Variants in EIF4G3 observed in about 807,000 individuals in gnomAD.
EIF4G3 encodes eIF-4-gamma 3.
In EIF4G3, 34 loss-of-function variants were observed where a neutral mutation model predicts 186.4. The observed-to-expected ratio is 0.18, with a 90% CI of 0.14 to 0.24. EIF4G3 has a LOEUF of 0.24. EIF4G3 is among the 10% of genes least tolerant of loss of function. The pLI is 1.00. For synonymous variants in EIF4G3, 673 were observed against 679.5 expected (o/e 0.99, Z 0.15); for missense variants, 1,536 against 1,948.5 (o/e 0.79, Z 3.99).
At chr1:20,944,382 G>A (rs1459605046) in intron 13 of EIF4G3, among the ~76,000 whole-genome samples, 1 of 152,004 alleles carries the variant, frequency 6.6e-6, no homozygotes, top group African/African-American at 2.4e-5. Context: ...AGGTGAGGTG[G>A]CGCAGACCTG....
intron 10 of EIF4G3, among the ~76,000 whole-genome samples, chr1:20,978,122 C>T (rs898016339): frequency 6.6e-6 from 1 of 152,094 alleles, no homozygotes; most frequent in Admixed American, 6.5e-5. Context: ...TAGATAGTAA[C>T]AACCATTGTT....
intron 4 of EIF4G3, among the ~76,000 whole-genome samples, chr1:21,034,420 A>T (rs2093009263): frequency 6.6e-6 from 1 of 152,244 alleles, no homozygotes; most frequent in South Asian, 2.1e-4. Flanking sequence ...CTTCAAAAAC[A>T]GATATTTAAT....
At chr1:21,094,328 T>C (rs999078623) in intron 2 of EIF4G3, among the ~76,000 whole-genome samples, 23 of 152,086 alleles carry the variant, frequency 1.5e-4, no homozygotes, top group African/African-American at 4.1e-4. Context: ...CATACGTTTA[T>C]TGCGGCACAA....
At chr1:21,112,849 C>T (rs1387306344) in intron 2 of EIF4G3, among the ~76,000 whole-genome samples, 1 of 152,104 alleles carries the variant, frequency 6.6e-6, no homozygotes, top group Non-Finnish European at 1.5e-5. Flanking sequence ...AATTTCAGCA[C>T]AATCTAATCA....
chr1:20,922,458 C>T (rs552356766), intron 14 of EIF4G3, among the ~76,000 whole-genome samples: 27 of 152,182 alleles, frequency 1.8e-4, no homozygotes, highest in Admixed American at 1.2e-3. Flanking sequence ...CCACCACGCC[C>T]GGTTGATTTT....
intron 10 of EIF4G3, among the ~76,000 whole-genome samples, chr1:20,979,322 T>C (rs1213515900): frequency 6.6e-6 from 1 of 152,194 alleles, no homozygotes; most frequent in African/African-American, 2.4e-5. Context: ...ACCTCCCCCA[T>C]GCCATAGATC....
intron 2 of EIF4G3, among the ~76,000 whole-genome samples, chr1:21,095,888 C>T (rs562225761): frequency 6.6e-6 from 1 of 152,036 alleles, no homozygotes; most frequent in East Asian, 1.9e-4. Flanking sequence ...TACACATACA[C>T]ATTTTCTGTG....
At chr1:21,043,484 A>T (rs1003320698) in intron 4 of EIF4G3, among the ~76,000 whole-genome samples, 3 of 152,242 alleles carry the variant, frequency 2.0e-5, no homozygotes, top group South Asian at 2.1e-4. Flanking sequence ...AGAAATGTCA[A>T]AAGAAAATAA....
chr1:21,068,437 A>G (rs1557805260), intron 3 of EIF4G3, among the ~76,000 whole-genome samples: 1 of 149,898 alleles, frequency 6.7e-6, no homozygotes, highest in African/African-American at 2.4e-5. Context: ...TTCAAAACAG[A>G]CCTGTATTCA....
intron 4 of EIF4G3, among the ~76,000 whole-genome samples, chr1:21,017,321 T>C (rs1044467032): frequency 1.1e-4 from 17 of 151,792 alleles, no homozygotes; most frequent in South Asian, 2.1e-4. Context: ...GAGGAGATAA[T>C]GGGGAGTTAG....
At chr1:21,073,858 G>C (rs1458983437) in intron 3 of EIF4G3, 1 of 276,374 alleles carries the variant, frequency 3.6e-6, no homozygotes, top group African/African-American at 2.2e-5. Context: ...CCAGGCTGGA[G>C]TGCAGTGGTG....
At chr1:20,890,647 GATTTT>G (rs2085705564) in intron 18 of EIF4G3, among the ~76,000 whole-genome samples, 2 of 151,938 alleles carry the variant, frequency 1.3e-5, no homozygotes, top group Admixed American at 6.6e-5. Context: ...GTAGGGACAG[GATTTT>G]ACCATGTTGC....
chr1:21,030,617 G>A (rs554630901), intron 4 of EIF4G3, among the ~76,000 whole-genome samples: 14 of 152,180 alleles, frequency 9.2e-5, no homozygotes, highest in East Asian at 1.9e-4. Context: ...GCCAGTGCTC[G>A]TAACAAAAAT....
At chr1:20,926,946 G>A (rs1444607366) in intron 14 of EIF4G3, among the ~76,000 whole-genome samples, 1 of 151,902 alleles carries the variant, frequency 6.6e-6, no homozygotes, top group Non-Finnish European at 1.5e-5. Context: ...AAAGTACTAC[G>A]AGTATTTTAA....
intron 30 of EIF4G3, among the ~76,000 whole-genome samples, chr1:20,830,999 G>A (rs984544534): frequency 1.2e-4 from 19 of 152,090 alleles, no homozygotes; most frequent in African/African-American, 4.6e-4. Flanking sequence ...TGCACCACAC[G>A]TTATTTTCTA....
At chr1:20,909,478 A>C (rs2092824084) in intron 14 of EIF4G3, among the ~76,000 whole-genome samples, 1 of 152,200 alleles carries the variant, frequency 6.6e-6, no homozygotes, top group African/African-American at 2.4e-5. Context: ...CTAATCATAA[A>C]AAGATACACC....
chr1:21,071,469 G>C (rs935857699), intron 3 of EIF4G3, among the ~76,000 whole-genome samples: 2 of 152,122 alleles, frequency 1.3e-5, no homozygotes, highest in Non-Finnish European at 2.9e-5. Context: ...GTGCAGTCCT[G>C]ACACTCCACA....
chr1:20,930,538 A>C (rs1274781123), intron 14 of EIF4G3, among the ~76,000 whole-genome samples: 3 of 152,134 alleles, frequency 2.0e-5, no homozygotes, highest in Admixed American at 2.0e-4. Context: ...GATTGCAGTA[A>C]CTGAGTCACA....
intron 2 of EIF4G3, among the ~76,000 whole-genome samples, chr1:21,106,062 GTC>G (rs1298439239): frequency 1.3e-5 from 2 of 150,058 alleles, no homozygotes. Context: ...GCAAGACCCT[GTC>G]TCTTTTTTTT....
Sources: gnomAD v4.1 joint callset for allele counts (sites outside exome capture counted in the v4.1 genomes callset) on GRCh38, gnomAD v4.1.1 for gene constraint, MANE v1.5 for transcripts, NCBI Gene and HGNC (gene_info 2026-07-23, HGNC 2026-07-21) for gene names.